Variants in TMCO5A observed in about 807,000 individuals in gnomAD.
TMCO5A encodes the protein transmembrane and coiled-coil domains 5A.
A neutral mutation model predicts 42.3 loss-of-function variants in TMCO5A; 34 were observed. The ratio of observed to expected loss-of-function variants is 0.80; its 90% CI spans 0.61 to 1.07. The LOEUF is 1.07. Among genes scored for constraint, TMCO5A ranks in the 50% least tolerant of loss-of-function variants. The pLI is 0.00. For missense variants in TMCO5A, 357 were observed against 327.9 expected (o/e 1.09, Z -0.69); for synonymous variants, 131 against 115.6 (o/e 1.13, Z -0.86).
At chr15:38,022,944 C>A in the TMCO5A span, among the ~76,000 whole-genome samples, 1 of 151,974 alleles carries the variant, frequency 6.6e-6, no homozygotes, top group Non-Finnish European at 1.5e-5. Flanking sequence ...TATAATTATT[C>A]TATTTCCTCT....
At chr15:38,026,499 G>A in the TMCO5A span, among the ~76,000 whole-genome samples, 1 of 152,178 alleles carries the variant, frequency 6.6e-6, no homozygotes, top group Non-Finnish European at 1.5e-5. Context: ...AAGGCATTCG[G>A]TTTTATAAGG....
the TMCO5A span, among the ~76,000 whole-genome samples, chr15:37,987,623 C>A: frequency 6.6e-6 from 1 of 151,922 alleles, no homozygotes; most frequent in African/African-American, 2.4e-5. Context: ...AAAATACTAA[C>A]CTTTCCCCCA....
chr15:38,018,775 T>G, the TMCO5A span, among the ~76,000 whole-genome samples: 1 of 152,030 alleles, frequency 6.6e-6, no homozygotes, highest in Non-Finnish European at 1.5e-5. Flanking sequence ...AATGTTATTT[T>G]TTTTTTTACA....
At chr15:37,983,727 T>TTTC in the TMCO5A span, among the ~76,000 whole-genome samples, 1 of 150,266 alleles carries the variant, frequency 6.7e-6, no homozygotes, top group African/African-American at 2.5e-5. Flanking sequence ...CTGTTTTTTT[T>TTTC]TTTGTTTTTT....
chr15:37,980,153 T>C, the TMCO5A span, among the ~76,000 whole-genome samples: 1 of 152,134 alleles, frequency 6.6e-6, no homozygotes, highest in African/African-American at 2.4e-5. Flanking sequence ...TACCGGCGGC[T>C]GCACTAGGGT....
intron 11 of TMCO5A, among the ~76,000 whole-genome samples, chr15:37,964,669 A>G (rs970710227): frequency 2.0e-5 from 3 of 152,124 alleles, no homozygotes; most frequent in African/African-American, 7.2e-5. Context: ...CACTTATCAT[A>G]GCCACAAATA....
At chr15:37,947,798 G>A (rs981742765) in intron 11 of TMCO5A, 102 bp downstream of exon 11, 40 of 719,652 alleles carry the variant, frequency 5.6e-5, no homozygotes, top group Non-Finnish European at 7.5e-5. Context: ...TTGTATATGC[G>A]TGTGCACACA....
intron 1 of TMCO5A, 32 bp from the exon 2 acceptor site, chr15:37,935,225 A>G (rs570238895): frequency 3.9e-5 from 6 of 152,234 alleles, no homozygotes; most frequent in Non-Finnish European, 7.4e-5. Context: ...CATTTCTCCA[A>G]TTCATTAGAT....
intron 1 of TMCO5A, 148 bp from the exon 2 acceptor site, chr15:37,935,109 T>C (rs188572356): frequency 4.7e-4 from 71 of 152,060 alleles, no homozygotes; most frequent in African/African-American, 1.6e-3. Flanking sequence ...AAAGGCTGAG[T>C]TTTGTCATGG....
At chr15:37,974,217 G>T in the TMCO5A span, among the ~76,000 whole-genome samples, 5 of 151,962 alleles carry the variant, frequency 3.3e-5, no homozygotes, top group African/African-American at 1.2e-4. Flanking sequence ...TTCTCCTGAG[G>T]CTTTCCTTTT....
At chr15:37,977,147 T>C in the TMCO5A span, among the ~76,000 whole-genome samples, 1,816 of 152,330 alleles carry the variant, frequency 0.012, 14 homozygotes, top group Non-Finnish European at 0.018. Flanking sequence ...TTCCTCGGAT[T>C]GGGTTTCAAC....
chr15:37,978,074 T>C, the TMCO5A span, among the ~76,000 whole-genome samples: 5 of 152,276 alleles, frequency 3.3e-5, no homozygotes, highest in African/African-American at 1.2e-4. Flanking sequence ...TTCAGTTGCC[T>C]CTGGGAGCCC....
At chr15:37,975,527 G>A in the TMCO5A span, among the ~76,000 whole-genome samples, 68 of 150,976 alleles carry the variant, frequency 4.5e-4, no homozygotes, top group Non-Finnish European at 8.7e-4. Context: ...ATTGGTTTAA[G>A]GTCTGTTTTG....
At chr15:38,037,927 C>T in the TMCO5A span, among the ~76,000 whole-genome samples, 1 of 151,670 alleles carries the variant, frequency 6.6e-6, no homozygotes, top group Admixed American at 6.6e-5. Context: ...GCAGAATAAT[C>T]GCTTGAACCC....
At chr15:37,937,467 G>A in intron 5 of TMCO5A, 71 bp downstream of exon 5, 1 of 1,542,518 alleles carries the variant, frequency 6.5e-7, no homozygotes, top group Non-Finnish European at 9.0e-7. Context: ...AAGGTTTGGG[G>A]GAAGTGATCA....
chr15:37,994,578 T>A, the TMCO5A span: 1 of 152,238 alleles, frequency 6.6e-6, no homozygotes, highest in Admixed American at 6.5e-5. Context: ...TGCTTGATAA[T>A]CTCTGGGATC....
chr15:38,038,520 C>T, the TMCO5A span, among the ~76,000 whole-genome samples: 1 of 152,016 alleles, frequency 6.6e-6, no homozygotes. Flanking sequence ...ATTCTCCTGC[C>T]TCAGCCTCCC....
the TMCO5A span, among the ~76,000 whole-genome samples, chr15:37,976,208 G>A: frequency 4.0e-5 from 6 of 150,648 alleles, no homozygotes. Context: ...TTGTACCACC[G>A]CACTCCAGCC....
At chr15:38,019,481 G>A in the TMCO5A span, among the ~76,000 whole-genome samples, 1 of 152,034 alleles carries the variant, frequency 6.6e-6, no homozygotes, top group Non-Finnish European at 1.5e-5. Context: ...TTACATTTTA[G>A]AACAGGTTTA....
Sources: gnomAD v4.1 joint callset for allele counts (sites outside exome capture counted in the v4.1 genomes callset) on GRCh38, gnomAD v4.1.1 for gene constraint, MANE v1.5 for transcripts, NCBI Gene and HGNC (gene_info 2026-07-23, HGNC 2026-07-21) for gene names.